Variants in ACBD6 observed in about 807,000 individuals in gnomAD.
The protein encoded by ACBD6 is acyl-CoA binding domain containing 6.
In ACBD6, 28 loss-of-function variants were observed where a neutral mutation model predicts 37.2. That is an observed-to-expected ratio of 0.75 (90% CI 0.56 to 1.03). ACBD6 has a LOEUF of 1.03. ACBD6 is among the 50% of genes least tolerant of loss of function. The probability of loss-of-function intolerance (pLI) is 0.00; values close to 1 mark genes in which losing one functional copy is unlikely to be tolerated. For synonymous variants in ACBD6, 113 were observed against 126.8 expected, an observed-to-expected ratio of 0.89 and a Z score of 0.73; for missense variants, 340 against 337.4, an observed-to-expected ratio of 1.01 and a Z score of -0.06.
chr1:180,500,042 G>A (rs1651893313), intron 1 of ACBD6, among the ~76,000 whole-genome samples: 1 of 151,414 alleles, frequency 6.6e-6, no homozygotes, highest in Admixed American at 6.6e-5. Context: ...GAAGCCAGAA[G>A]CTTCAAGGCT....
intron 6 of ACBD6, among the ~76,000 whole-genome samples, chr1:180,357,531 T>G (rs1652675168): frequency 6.6e-6 from 1 of 152,212 alleles, no homozygotes; most frequent in South Asian, 2.1e-4. Context: ...TTCATTCAGA[T>G]AAGCATGAAG....
intron 6 of ACBD6, among the ~76,000 whole-genome samples, chr1:180,324,206 T>C (rs1374579745): frequency 6.6e-6 from 1 of 152,082 alleles, no homozygotes; most frequent in African/African-American, 2.4e-5. Flanking sequence ...TAGGAGAGTT[T>C]TTAGTCCATT....
intron 7 of ACBD6, among the ~76,000 whole-genome samples, chr1:180,293,817 T>G (rs980384577): frequency 6.6e-6 from 1 of 152,180 alleles, no homozygotes; most frequent in Non-Finnish European, 1.5e-5. Context: ...ATGATCATAG[T>G]GCAGTGCAGT....
At chr1:180,377,979 T>C (rs1653502223) in intron 6 of ACBD6, among the ~76,000 whole-genome samples, 1 of 146,952 alleles carries the variant, frequency 6.8e-6, no homozygotes, top group Admixed American at 6.9e-5. Flanking sequence ...ATAATAATAA[T>C]AATAGCCATA....
At chr1:180,493,247 CAAAAAAAAAAAAAAAA>C (rs71121023) in intron 2 of ACBD6, among the ~76,000 whole-genome samples, 10 of 47,810 alleles carry the variant, frequency 2.1e-4, no homozygotes, top group South Asian at 1.2e-3. Flanking sequence ...AATTCTGTCT[CAAAAAAAAAAAAAAAA>C]AAAAAAAAAA....
intron 6 of ACBD6, among the ~76,000 whole-genome samples, chr1:180,383,127 GCACAAGCCAAGAATGCC>G (rs1447002402): frequency 5.9e-5 from 9 of 152,134 alleles, no homozygotes; most frequent in African/African-American, 2.2e-4. Flanking sequence ...CCAAGAACTG[GCACAAGCCAAGAATGCC>G]CACTTTCACC....
chr1:180,424,274 A>T (rs912260523), intron 4 of ACBD6, among the ~76,000 whole-genome samples: 5 of 152,194 alleles, frequency 3.3e-5, no homozygotes, highest in African/African-American at 9.6e-5. Flanking sequence ...GGTCATCCTA[A>T]AGATTAAGAG....
chr1:180,313,446 C>T (rs1650670256), intron 7 of ACBD6, among the ~76,000 whole-genome samples: 1 of 152,164 alleles, frequency 6.6e-6, no homozygotes, highest in South Asian at 2.1e-4. Context: ...CTTTTGTTTC[C>T]GCCAAGCATC....
chr1:180,500,419 G>A (rs915516608), intron 1 of ACBD6, among the ~76,000 whole-genome samples: 8 of 152,070 alleles, frequency 5.3e-5, no homozygotes, highest in South Asian at 2.1e-4. Flanking sequence ...TTGGCGGGGC[G>A]TGGTGGCTCA....
At chr1:180,494,193 C>T (rs780917989) in intron 2 of ACBD6, among the ~76,000 whole-genome samples, 1 of 152,068 alleles carries the variant, frequency 6.6e-6, no homozygotes, top group South Asian at 2.1e-4. Context: ...AACAGTTCCC[C>T]AATATTTTAT....
At chr1:180,446,066 A>C (rs61811605) in intron 3 of ACBD6, among the ~76,000 whole-genome samples, 3,165 of 151,930 alleles carry the variant, frequency 0.021, 52 homozygotes, top group Non-Finnish European at 0.026. Context: ...ACAGTGGGTG[A>C]TCTTGGCTCA....
intron 6 of ACBD6, among the ~76,000 whole-genome samples, chr1:180,323,594 A>C (rs1441622604): frequency 6.6e-6 from 1 of 152,030 alleles, no homozygotes; most frequent in East Asian, 1.9e-4. Flanking sequence ...TGTTGGATGC[A>C]TATATATTTA....
At chr1:180,277,823 G>C (rs1241796627) in intron 9 of ACBD6, 1 of 146,968 alleles carries the variant, frequency 6.8e-6, no homozygotes, top group Admixed American at 6.8e-5. Flanking sequence ...ATCAGGGAAA[G>C]AGGAAAAAAT....
chr1:180,407,967 C>T (rs2101966200), intron 5 of ACBD6, among the ~76,000 whole-genome samples: 1 of 152,314 alleles, frequency 6.6e-6, no homozygotes, highest in African/African-American at 2.4e-5. Context: ...CATCATCCTT[C>T]ACTCATACTA....
chr1:180,479,442 T>C (rs1650936159), intron 3 of ACBD6, among the ~76,000 whole-genome samples: 1 of 151,898 alleles, frequency 6.6e-6, no homozygotes, highest in African/African-American at 2.4e-5. Context: ...GCTAAAAAAT[T>C]TGATCACATG....
chr1:180,303,265 C>T lies in ACBD6; in HGVS notation c.694+11427G>A, dbSNP rs201819901. Among the ~76,000 whole-genome samples the T allele has an allele frequency of 9.3e-4, 140 of 150,410 alleles. 1 individual carries two copies. In the East Asian group the frequency reaches 0.025, roughly 27 times the overall value. ...AGAAATAACTAAGATCAGAGCAGAA[C>T]TGAAGGAGATAGAGACACAAAAAAC... On this transcript the variant is annotated intron_variant, in intron 7 of 7. Transcript: ENST00000367595.
chr1:180,454,359 T>C (rs1024212690), intron 3 of ACBD6, among the ~76,000 whole-genome samples: 2 of 152,170 alleles, frequency 1.3e-5, no homozygotes, highest in African/African-American at 4.8e-5. Context: ...CCTTACACCT[T>C]ATACAAAAAT....
chr1:180,426,719 A>G (rs371935025), intron 4 of ACBD6, among the ~76,000 whole-genome samples: 4 of 152,360 alleles, frequency 2.6e-5, no homozygotes, highest in African/African-American at 9.6e-5. Flanking sequence ...AATACTATTT[A>G]TAAAAGCTAA....
rs1463562062 is a variant in ACBD6 at position 180,386,222 on chromosome 1, G to GT, written c.663+11293dup. On this transcript the variant is annotated intron_variant, in intron 6 of 7. Transcript: ENST00000367595. ...AGTTAAGCTATGAGATAAGTTAGGTGTATTAAGTGTATTTTCAACTTATGA... is the reference window on the plus strand; with the variant it reads ...AGTTAAGCTATGAGATAAGTTAGGTGTTATTAAGTGTATTTTCAACTTATGA... 2.0e-5 allele frequency among the ~76,000 whole-genome samples: 3 copies of GT among 152,156 alleles called. No individual in the cohort carries two copies. In the East Asian group the frequency reaches 5.8e-4, roughly 29 times the overall value.
Sources: gnomAD v4.1 joint callset for allele counts (sites outside exome capture counted in the v4.1 genomes callset) on GRCh38, gnomAD v4.1.1 for gene constraint, MANE v1.5 for transcripts, NCBI Gene and HGNC (gene_info 2026-07-23, HGNC 2026-07-21) for gene names.